POP5: variants seen among roughly 807,000 people sequenced by gnomAD.
The protein encoded by POP5 is ribonuclease P/MRP protein subunit POP5.
Under a neutral mutation model 20.7 loss-of-function variants are expected in POP5, and 18 were observed. The ratio of observed to expected loss-of-function variants is 0.87; its 90% CI spans 0.60 to 1.29. POP5 has a LOEUF of 1.29. POP5 is among the 50% of genes most tolerant of loss of function. The pLI is 0.00. For missense variants in POP5, 200 were observed against 203.2 expected (o/e 0.98, Z 0.10); for synonymous variants, 91 against 78.0 (o/e 1.17, Z -0.88).
chr12:120,579,232 A>C lies in POP5; in HGVS notation c.*86T>G. ...AGCTATCCAGTTTGGAAAACTGTGGAAGATGCTGTTGCTACCCAGATTGTT... is the reference window on the plus strand; with the variant it reads ...AGCTATCCAGTTTGGAAAACTGTGGCAGATGCTGTTGCTACCCAGATTGTT... On this transcript the variant is annotated 3_prime_UTR_variant, in exon 5 of 5. Transcript: ENST00000357500. The C allele has an allele frequency of 8.3e-7, 1 of 1,198,180 alleles. No individual in the cohort carries two copies. The highest frequency in any genetic ancestry group is 1.2e-6 in the Non-Finnish European group (1 of 804,820). The allele number at this position is 1,198,180 out of a possible 1,614,324, so 74.2% of individuals were successfully genotyped here.
chr12:120,579,019 C>A lies in POP5; in HGVS notation c.*299G>T. The A allele has an allele frequency of 2.4e-6, 1 of 421,398 alleles. No individual in the cohort carries two copies. The highest frequency in any genetic ancestry group is 4.4e-6 in the Non-Finnish European group (1 of 227,698). 26.1% of individuals were successfully genotyped at this position (421,398 alleles called of 1,614,324 possible). A position where few individuals can be genotyped will look rare whatever the true frequency, so the allele number is the denominator to read the frequency against. ...TTGGCCAAGCATGGACTCCATAAGC[C>A]CTTTCTGTAATATAAGTATGCTAAA... is the stretch of plus-strand genomic sequence containing the variant. On this transcript the variant is annotated 3_prime_UTR_variant, in exon 5 of 5. Transcript: ENST00000357500.
At chr12:120,580,513 A>G (rs1877807804) in intron 2 of POP5, 1 of 153,972 alleles carries the variant, frequency 6.5e-6, no homozygotes, top group Admixed American at 6.4e-5. Flanking sequence ...GTTTTACTGC[A>G]TTTGGGCTCC....
Position 120,579,020 on chromosome 12 carries a change from C to G in POP5, c.*298G>C, listed in dbSNP as rs1877693138. ...TGGCCAAGCATGGACTCCATAAGCC[C>G]TTTCTGTAATATAAGTATGCTAAAT... On this transcript the variant is annotated 3_prime_UTR_variant, in exon 5 of 5. Coordinates refer to ENST00000357500, the MANE Select transcript of POP5 (RefSeq NM_015918.4). The G allele has an allele frequency of 2.4e-6, 1 of 424,964 alleles. No individual in the cohort carries two copies. Among genetic ancestry groups the G allele is most frequent in the Non-Finnish European group, 4.3e-6 (1 of 229,926 alleles). The allele number at this position is 424,964 out of a possible 1,614,324, so 26.3% of individuals were successfully genotyped here.
rs1451624499 is a variant in POP5, at chr12:120,581,332, G to A, written c.20+11C>T. On this transcript the variant is annotated intron_variant, in intron 1 of 4. Transcript: ENST00000357500. The stretch of plus-strand genomic sequence containing the variant: ...GCAAGGCACTGGGAGGGTCTGGAAG[G>A]GAATGCTTACCTGTGCTTGAACCGC... 1.2e-6 allele frequency: 2 copies of A among 1,613,996 alleles called. No homozygotes were observed. The highest frequency in any genetic ancestry group is 1.3e-5 in the African/African-American group (1 of 75,068).
Position 120,581,110 on chromosome 12 carries a change from T to C in POP5, c.163+5A>G. On this transcript the variant is annotated splice_donor_5th_base_variant and intron_variant, in intron 2 of 4. Transcript: ENST00000357500. ...GGTTCCCCTCTTCCCCCAGCGCCCT[T>C]GCACCCGCGAAGCCGATGGAGCAGG... is the stretch of plus-strand genomic sequence containing the variant. The C allele has an allele frequency of 6.2e-7, 1 of 1,609,518 alleles. No individual in the cohort carries two copies.
chr12:120,578,780 G>C lies in POP5; in HGVS notation c.*538C>G, dbSNP rs747863241. The C allele has an allele frequency of 6.5e-6, 1 of 154,744 alleles. No individual in the cohort carries two copies. Among genetic ancestry groups the C allele is most frequent in the Non-Finnish European group, 1.4e-5 (1 of 69,722 alleles). 9.6% of individuals were successfully genotyped at this position (154,744 alleles called of 1,614,324 possible). A position where few individuals can be genotyped will look rare whatever the true frequency, so the allele number is the denominator to read the frequency against. On this transcript the variant is annotated 3_prime_UTR_variant, in exon 5 of 5. Transcript: ENST00000357500. ...CTAAAAATACAAAAATTAGCCAGACGTGGTGGTGCACGTCTGTAATCCCAG... is the reference window on the plus strand; with the variant it reads ...CTAAAAATACAAAAATTAGCCAGACCTGGTGGTGCACGTCTGTAATCCCAG...
intron 3 of POP5, 78 bp downstream of exon 3, chr12:120,579,685 GGACAGCAGCAA>G: frequency 1.3e-6 from 2 of 1,545,682 alleles, no homozygotes; most frequent in East Asian, 2.3e-5. Flanking sequence ...CTTGTTAGCG[GGACAGCAGCAA>G]GACCCACCCA....
At chr12:120,581,292 G>C in intron 1 of POP5, 35 bp from the exon 2 acceptor site, 1 of 1,614,204 alleles carries the variant, frequency 6.2e-7, no homozygotes, top group Non-Finnish European at 8.5e-7. Context: ...ACACTAGCGG[G>C]GCCGCGAGGA....
Position 120,581,262 on chromosome 12 carries a change from G to A in POP5, c.21-5C>T, listed in dbSNP as rs745935833. The A allele has an allele frequency of 2.5e-6, 4 of 1,614,098 alleles. No homozygotes were observed. The highest frequency in any genetic ancestry group is 2.2e-5 in the East Asian group (1 of 44,900). Reference sequence around the variant, plus strand: ...ACCAGTTCGCAGAGCAGGTACCTGCGGCAGGCGAGAGGAAGGTGGACACTA... The same window carrying A: ...ACCAGTTCGCAGAGCAGGTACCTGCAGCAGGCGAGAGGAAGGTGGACACTA... On this transcript the variant is annotated splice_region_variant and splice_polypyrimidine_tract_variant and intron_variant, in intron 1 of 4. Coordinates refer to ENST00000357500, the MANE Select transcript of POP5 (RefSeq NM_015918.4).
At chr12:120,580,968 T>C in intron 2 of POP5, 147 bp downstream of exon 2, 1 of 1,298,028 alleles carries the variant, frequency 7.7e-7, no homozygotes, top group Non-Finnish European at 1.0e-6. Flanking sequence ...GGACTCTCGC[T>C]TGGGGTCCCA....
chr12:120,581,132 C>T lies in POP5; in HGVS notation c.146G>A (p.Cys49Tyr). ...CCTTGCACCCGCGAAGCCGATGGAG[C>T]AGGCGGCTGCGCCGAAAGTTCCGTG... ...RVHGTFGAAA[C>Y]SIGFAVRYLN... Residue 49 changes from cysteine to tyrosine, a missense_variant, in exon 2 of 5, where the codon TGC (cysteine) becomes TAC (tyrosine). By Grantham distance (194) the Cys-to-Tyr change is radical (BLOSUM62 -2). Transcript: ENST00000357500. 1 of 1,612,268 alleles carries T rather than the reference C, an allele frequency of 6.2e-7. No homozygotes were observed. The highest frequency in any genetic ancestry group is 1.7e-5 in the Admixed American group (1 of 60,030).
intron 2 of POP5, 24 bp from the exon 3 acceptor site, chr12:120,579,947 T>G: frequency 6.2e-7 from 1 of 1,607,730 alleles, no homozygotes; most frequent in African/African-American, 1.3e-5. Context: ...GAAAAATCAT[T>G]TTGGAAAACT....
Position 120,579,393 on chromosome 12 carries a change from C to T in POP5, c.417G>A (p.Gln139=). Residue 139 remains glutamine (Q), a synonymous_variant, in exon 5 of 5, where the codon CAG becomes CAA. Transcript: ENST00000357500. ...CTDEGEREAI[Q]KSVTRSCLLE... ...ATAAGCAGCTTCTTGTCACAGACTT[C>T]TGGATAGCTTCCCGCTCTCCTGGAG... The T allele has an allele frequency of 6.2e-7, 1 of 1,614,126 alleles. No homozygotes were observed. The highest frequency in any genetic ancestry group is 8.5e-7 in the Non-Finnish European group (1 of 1,179,950).
rs981013262 is a variant in POP5 at position 120,579,201 on chromosome 12, G to T, written c.*117C>A. Reference sequence around the variant, plus strand: ...CATTTCAAGTGGGTAATGTCTGCTGGTTGGCAGCTATCCAGTTTGGAAAAC... The same window carrying T: ...CATTTCAAGTGGGTAATGTCTGCTGTTTGGCAGCTATCCAGTTTGGAAAAC... On this transcript the variant is annotated 3_prime_UTR_variant, in exon 5 of 5. Coordinates refer to ENST00000357500, the MANE Select transcript of POP5 (RefSeq NM_015918.4). 2.2e-6 allele frequency: 2 copies of T among 898,684 alleles called. No individual in the cohort carries two copies. Among genetic ancestry groups the T allele is most frequent in the African/African-American group, 3.3e-5 (2 of 60,960 alleles). 55.7% of individuals were successfully genotyped at this position (898,684 alleles called of 1,614,324 possible). A position where few individuals can be genotyped will look rare whatever the true frequency, so the allele number is the denominator to read the frequency against.
At chr12:120,581,028 C>A in intron 2 of POP5, 87 bp downstream of exon 2, 1 of 1,552,842 alleles carries the variant, frequency 6.4e-7, no homozygotes, top group Non-Finnish European at 8.6e-7. Context: ...CTTGGCCACT[C>A]GTGCCCCTTC....
intron 2 of POP5, chr12:120,580,876 A>C (rs1877827489): frequency 1.7e-6 from 1 of 571,764 alleles, no homozygotes; most frequent in Admixed American, 3.5e-5. Flanking sequence ...TACAGAAATT[A>C]CCTGTCAAGC....
Position 120,579,568 on chromosome 12 carries a change from T to C in POP5, c.343A>G (p.Ile115Val). 1 of 1,614,120 alleles carries C rather than the reference T, an allele frequency of 6.2e-7. No homozygotes were observed. Residue 115 changes from isoleucine (I) to valine (V), a missense_variant, in exon 4 of 5, where the codon ATT becomes GTT. Ile to Val is a conservative substitution (Grantham distance 29). Transcript: ENST00000357500. ...AACAGCTGTCTCCTGTTGTACTGAA[T>C]TAGGAACTTCTGACATGTTCTTATT... ...GTIRTCQKFL[I>V]QYNRRQLLIL... is the part of the protein sequence containing the mutation.
In POP5 at chr12:120,579,160, G is replaced by A; in HGVS notation, c.*158C>T. ...GGAATGCTAGGTAAAGGCAACTTCA[G>A]TTTAACTGAGTACTCCATTTCAAGT... On this transcript the variant is annotated 3_prime_UTR_variant, in exon 5 of 5. Coordinates refer to ENST00000357500, the MANE Select transcript of POP5 (RefSeq NM_015918.4). The A allele has an allele frequency of 1.5e-6, 1 of 668,056 alleles. No homozygotes were observed. The highest frequency in any genetic ancestry group is 2.6e-6 in the Non-Finnish European group (1 of 377,890). 41.4% of individuals were successfully genotyped at this position (668,056 alleles called of 1,614,324 possible). A position where few individuals can be genotyped will look rare whatever the true frequency, so the allele number is the denominator to read the frequency against.
intron 2 of POP5, among the ~76,000 whole-genome samples, chr12:120,580,331 G>C (rs1473414784): frequency 3.3e-5 from 5 of 152,136 alleles, no homozygotes; most frequent in Non-Finnish European, 7.3e-5. Flanking sequence ...GCGAGTAAAA[G>C]AGAAAAGCCA....
Sources: allele counts gnomAD v4.1 joint callset (sites outside exome capture counted in the v4.1 genomes callset), GRCh38; gene constraint gnomAD v4.1.1; transcripts MANE v1.5; gene names NCBI Gene and HGNC (gene_info 2026-07-23, HGNC 2026-07-21).